COL25A1: variants seen among roughly 807,000 people sequenced by gnomAD.
COL25A1 encodes collagen type XXV alpha 1 chain.
COL25A1 carries 103 observed loss-of-function variants against 128.4 expected under a neutral mutation model. The observed-to-expected ratio is 0.80, with a 90% CI of 0.68 to 0.94. The LOEUF (loss-of-function observed/expected upper bound fraction) is 0.94. Among genes scored for constraint, COL25A1 ranks in the 40% least tolerant of loss-of-function variants. The pLI is 0.00. For missense variants in COL25A1, 745 were observed against 840.0 expected, an observed-to-expected ratio of 0.89 and a Z score of 1.40; for synonymous variants, 279 against 277.2, an observed-to-expected ratio of 1.01 and a Z score of -0.06.
chr4:109,046,821 C>T (rs1031096490), intron 5 of COL25A1, among the ~76,000 whole-genome samples: 6 of 152,146 alleles, frequency 3.9e-5, no homozygotes, highest in East Asian at 1.9e-4. Flanking sequence ...GTGGAGTCTG[C>T]GAACCTTGGA....
intron 20 of COL25A1, among the ~76,000 whole-genome samples, chr4:108,868,196 G>A (rs1246036211): frequency 6.6e-6 from 1 of 152,076 alleles, no homozygotes; most frequent in South Asian, 2.1e-4. Context: ...CATATGGCCA[G>A]GAAGCTAATA....
intron 19 of COL25A1, among the ~76,000 whole-genome samples, chr4:108,882,447 C>G (rs1452101955): frequency 1.3e-5 from 2 of 152,098 alleles, no homozygotes; most frequent in Admixed American, 1.3e-4. Context: ...TCAGCCCTTC[C>G]TTTTAAATGC....
intron 3 of COL25A1, among the ~76,000 whole-genome samples, chr4:109,190,545 G>A (rs2126160908): frequency 6.6e-6 from 1 of 152,296 alleles, no homozygotes; most frequent in South Asian, 2.1e-4. Flanking sequence ...TTTGGCAGGA[G>A]CAGGTGAGAG....
chr4:109,104,350 G>A (rs1560698597), intron 3 of COL25A1, among the ~76,000 whole-genome samples: 1 of 152,024 alleles, frequency 6.6e-6, no homozygotes, highest in Non-Finnish European at 1.5e-5. Flanking sequence ...TCCAGCCTGG[G>A]TGACAGAGCA....
chr4:109,062,058 A>G (rs1192066872), intron 3 of COL25A1, among the ~76,000 whole-genome samples: 1 of 152,216 alleles, frequency 6.6e-6, no homozygotes, highest in Admixed American at 6.5e-5. Context: ...CCCTTAAGTA[A>G]TAAAGAAAAC....
chr4:109,115,857 C>T (rs1270477000), intron 3 of COL25A1, among the ~76,000 whole-genome samples: 1 of 151,972 alleles, frequency 6.6e-6, no homozygotes, highest in Admixed American at 6.6e-5. Flanking sequence ...GCCAAGATGA[C>T]ATCTCAATAC....
intron 3 of COL25A1, among the ~76,000 whole-genome samples, chr4:109,197,485 ATTATATATAAATATAT>A (rs1776208315): frequency 7.9e-6 from 1 of 126,634 alleles, no homozygotes; most frequent in Non-Finnish European, 1.6e-5. Flanking sequence ...TATATTATAT[ATTATATATAAATATAT>A]ATTATATAAT....
At chr4:109,256,309 G>T (rs1781083795) in intron 3 of COL25A1, among the ~76,000 whole-genome samples, 1 of 151,938 alleles carries the variant, frequency 6.6e-6, no homozygotes, top group East Asian at 1.9e-4. Context: ...AATTCACCTT[G>T]GGTGAACACG....
intron 3 of COL25A1, among the ~76,000 whole-genome samples, chr4:109,156,517 G>A (rs183082095): frequency 4.6e-5 from 7 of 152,236 alleles, no homozygotes; most frequent in East Asian, 3.9e-4. Flanking sequence ...TTGGCTTCCC[G>A]TCTCAATTTG....
At chr4:109,010,026 T>C (rs1021672088) in intron 6 of COL25A1, among the ~76,000 whole-genome samples, 5 of 152,254 alleles carry the variant, frequency 3.3e-5, no homozygotes, top group African/African-American at 1.2e-4. Context: ...TAGTACATGA[T>C]TAATCAGTAC....
At chr4:109,036,528 T>C (rs1759368592) in intron 5 of COL25A1, among the ~76,000 whole-genome samples, 1 of 152,168 alleles carries the variant, frequency 6.6e-6, no homozygotes, top group Non-Finnish European at 1.5e-5. Flanking sequence ...AGTAGAGGGT[T>C]GGGTGGATGT....
At chr4:109,176,638 T>G (rs1774136135) in intron 3 of COL25A1, among the ~76,000 whole-genome samples, 1 of 152,094 alleles carries the variant, frequency 6.6e-6, no homozygotes, top group African/African-American at 2.4e-5. Flanking sequence ...CAAGCCCTAG[T>G]CCCCAGTACC....
chr4:108,987,366 CTTTTTTTTTCTTTTTCT>C (rs1560978589), intron 6 of COL25A1, among the ~76,000 whole-genome samples: 1 of 122,992 alleles, frequency 8.1e-6, no homozygotes, highest in Non-Finnish European at 1.7e-5. Context: ...GCATACCTTT[CTTTTTTTTTCTTTTTCT>C]TTTTTTTTTT....
At chr4:108,866,564 G>A (rs998969665) in intron 20 of COL25A1, among the ~76,000 whole-genome samples, 1 of 152,204 alleles carries the variant, frequency 6.6e-6, no homozygotes, top group African/African-American at 2.4e-5. Flanking sequence ...GATGCAGCAT[G>A]TTTTGATGCC....
At chr4:109,201,597 T>C (rs1252417292) in intron 3 of COL25A1, among the ~76,000 whole-genome samples, 1 of 152,164 alleles carries the variant, frequency 6.6e-6, no homozygotes, top group Non-Finnish European at 1.5e-5. Flanking sequence ...AGAATGTCCC[T>C]TCCCACCACT....
At chr4:109,130,096 T>C (rs1769037306) in intron 3 of COL25A1, among the ~76,000 whole-genome samples, 1 of 151,766 alleles carries the variant, frequency 6.6e-6, no homozygotes, top group South Asian at 2.1e-4. Flanking sequence ...TAGTAATTTA[T>C]TAAATCCATC....
At chr4:109,247,724 A>C (rs1178229186) in intron 3 of COL25A1, among the ~76,000 whole-genome samples, 1 of 152,238 alleles carries the variant, frequency 6.6e-6, no homozygotes, top group East Asian at 1.9e-4. Flanking sequence ...TCTACATGGG[A>C]TAACCACCAG....
chr4:109,192,421 C>T (rs1020668969), intron 3 of COL25A1, among the ~76,000 whole-genome samples: 17 of 152,026 alleles, frequency 1.1e-4, no homozygotes, highest in African/African-American at 4.1e-4. Context: ...TGTGCCCCTC[C>T]CCAACTCGTA....
At chr4:108,870,538 C>T (rs1014398158) in intron 19 of COL25A1, among the ~76,000 whole-genome samples, 5 of 151,638 alleles carry the variant, frequency 3.3e-5, no homozygotes, top group Admixed American at 1.3e-4. Flanking sequence ...CTGTCCCATA[C>T]CCTTACGACT....
Sources: gnomAD v4.1 joint callset for allele counts (sites outside exome capture counted in the v4.1 genomes callset) on GRCh38, gnomAD v4.1.1 for gene constraint, MANE v1.5 for transcripts, NCBI Gene and HGNC (gene_info 2026-07-23, HGNC 2026-07-21) for gene names.